Variants in ZBTB7C observed in about 807,000 individuals in gnomAD.
ZBTB7C encodes zinc finger and BTB domain-containing protein 7C.
A neutral mutation model predicts 25.7 loss-of-function variants in ZBTB7C; 8 were observed. The ratio of observed to expected loss-of-function variants is 0.31; its 90% CI spans 0.18 to 0.56. ZBTB7C has a LOEUF of 0.56. ZBTB7C is among the 20% of genes least tolerant of loss of function. ZBTB7C has a pLI of 0.91. For missense variants in ZBTB7C, 824 were observed against 855.2 expected (o/e 0.96, Z 0.46); for synonymous variants, 394 against 369.0 (o/e 1.07, Z -0.78).
At chr18:48,367,373 A>ATAT (rs757386700) in intron 1 of ZBTB7C, among the ~76,000 whole-genome samples, 17,543 of 95,262 alleles carry the variant, frequency 0.18, 1,759 homozygotes, top group Non-Finnish European at 0.25. Flanking sequence ...TATATATATA[A>ATAT]AATACAAACA....
In ZBTB7C at chr18:48,409,226, C is replaced by T. The variant is rs1274062182; in HGVS notation, c.-304G>A. ...GAGCCCGGCGCGCGAAGCCGCTCAC[C>T]TCCGCGCGCCGCCGGCCCTGCGCGC... On this transcript the variant is annotated splice_region_variant and 5_prime_UTR_variant, in exon 1 of 5. Coordinates refer to ENST00000590800, the MANE Select transcript of ZBTB7C (RefSeq NM_001318841.2). The T allele has an allele frequency of 6.7e-6, 1 of 149,646 alleles. No individual in the cohort carries two copies. Among genetic ancestry groups the T allele is most frequent in the Non-Finnish European group, 1.5e-5 (1 of 67,176 alleles). 9.3% of individuals were successfully genotyped at this position (149,646 alleles called of 1,614,324 possible).
At chr18:48,376,214 T>C (rs1424818785) in intron 1 of ZBTB7C, among the ~76,000 whole-genome samples, 1 of 152,248 alleles carries the variant, frequency 6.6e-6, no homozygotes, top group Non-Finnish European at 1.5e-5. Flanking sequence ...CTGACACTTG[T>C]TTAATATGTT....
intron 2 of ZBTB7C, among the ~76,000 whole-genome samples, chr18:48,201,615 T>G (rs1349654715): frequency 1.3e-5 from 2 of 152,156 alleles, no homozygotes; most frequent in African/African-American, 4.8e-5. Flanking sequence ...CTCCTGCCTC[T>G]TTCCCTCCAT....
intron 2 of ZBTB7C, among the ~76,000 whole-genome samples, chr18:48,291,376 C>T (rs751536405): frequency 3.9e-5 from 6 of 152,228 alleles, no homozygotes; most frequent in East Asian, 1.9e-4. Flanking sequence ...CTGGATTCAA[C>T]AAAGCAGCAA....
At chr18:48,206,515 C>T (rs948745684) in intron 2 of ZBTB7C, among the ~76,000 whole-genome samples, 3 of 152,042 alleles carry the variant, frequency 2.0e-5, no homozygotes, top group Non-Finnish European at 2.9e-5. Flanking sequence ...AAAAAATTAG[C>T]TGGGCATGGT....
chr18:48,357,432 A>G (rs1470640075), intron 1 of ZBTB7C, among the ~76,000 whole-genome samples: 1 of 152,214 alleles, frequency 6.6e-6, no homozygotes, highest in African/African-American at 2.4e-5. Flanking sequence ...TCCCTGACAC[A>G]TAGGAAAGGT....
At position 48,325,874 on chromosome 18, in the gene ZBTB7C, A is replaced by G. The variant is rs899607583; in HGVS notation, c.-79+12300T>C. On this transcript the variant is annotated intron_variant, in intron 2 of 4. Transcript: ENST00000590800. ...ATCCATCCTTTGACTAGTGTAGGCC[A>G]TGGCCATTCCTACCACTGGATTCAG... Among the ~76,000 whole-genome samples, 12 of 152,218 alleles carry G rather than the reference A, an allele frequency of 7.9e-5. 1 individual carries two copies. The highest frequency in any genetic ancestry group is 2.9e-4 in the African/African-American group (12 of 41,530).
chr18:48,191,805 C>CTA (rs1443298946), intron 2 of ZBTB7C, among the ~76,000 whole-genome samples: 1 of 152,150 alleles, frequency 6.6e-6, no homozygotes, highest in African/African-American at 2.4e-5. Flanking sequence ...CCTTCAGAGG[C>CTA]TATGTTTGCT....
intron 3 of ZBTB7C, among the ~76,000 whole-genome samples, chr18:48,059,971 GCTTATTT>G (rs1230237262): frequency 6.6e-6 from 1 of 152,112 alleles, no homozygotes; most frequent in Non-Finnish European, 1.5e-5. Flanking sequence ...AGGCAGGCAG[GCTTATTT>G]CTCAAGACTA....
chr18:48,189,682 A>G (rs966351324), intron 2 of ZBTB7C, among the ~76,000 whole-genome samples: 2 of 152,206 alleles, frequency 1.3e-5, no homozygotes, highest in African/African-American at 4.8e-5. Flanking sequence ...ACACCTCTGC[A>G]GCCAGAACAA....
intron 1 of ZBTB7C, among the ~76,000 whole-genome samples, chr18:48,388,491 G>A (rs142399092): frequency 1.3e-5 from 2 of 152,220 alleles, no homozygotes; most frequent in East Asian, 3.9e-4. Flanking sequence ...GATTGAAAAC[G>A]TATTTTCAAA....
chr18:48,289,046 A>G (rs1944582), intron 2 of ZBTB7C, among the ~76,000 whole-genome samples: 62,242 of 151,976 alleles, frequency 0.41, 13,415 homozygotes, highest in Non-Finnish European at 0.5. Flanking sequence ...TCAGTGACCA[A>G]TCAGGGAAAT....
intron 2 of ZBTB7C, among the ~76,000 whole-genome samples, chr18:48,316,415 C>T (rs2045948380): frequency 6.6e-6 from 1 of 152,196 alleles, no homozygotes; most frequent in Non-Finnish European, 1.5e-5. Context: ...AGCAGGAAGG[C>T]CGCTGCAGCA....
intron 3 of ZBTB7C, among the ~76,000 whole-genome samples, chr18:48,151,108 C>T (rs960132198): frequency 6.6e-6 from 1 of 152,124 alleles, no homozygotes; most frequent in African/African-American, 2.4e-5. Context: ...GTTAGTGGCC[C>T]CTGGTTGAGA....
At position 48,326,936 on chromosome 18, in the gene ZBTB7C, A is replaced by G. The variant is rs148856392; in HGVS notation, c.-79+11238T>C. On this transcript the variant is annotated intron_variant, in intron 2 of 4. Coordinates refer to ENST00000590800, the MANE Select transcript of ZBTB7C (RefSeq NM_001318841.2). ...ACACAAGAGGAAACGCAATAATAAC[A>G]CAAAGTCCTGCAGGTGCAAGAGCCA... Among the ~76,000 whole-genome samples, 433 of 152,338 alleles carry G rather than the reference A, an allele frequency of 2.8e-3. 2 individuals carry two copies. Among genetic ancestry groups the G allele is most frequent in the African/African-American group, 1.0e-2 (414 of 41,580 alleles).
At chr18:48,297,489 C>T (rs2045429376) in intron 2 of ZBTB7C, among the ~76,000 whole-genome samples, 1 of 152,194 alleles carries the variant, frequency 6.6e-6, no homozygotes, top group Non-Finnish European at 1.5e-5. Flanking sequence ...GTCCCTCTCT[C>T]TCCCCCATTC....
At chr18:48,085,680 C>T (rs2038166377) in intron 3 of ZBTB7C, among the ~76,000 whole-genome samples, 1 of 152,212 alleles carries the variant, frequency 6.6e-6, no homozygotes, top group African/African-American at 2.4e-5. Context: ...TAAACATTAG[C>T]TATCAATATT....
At chr18:48,217,450 G>T (rs2042851996) in intron 2 of ZBTB7C, among the ~76,000 whole-genome samples, 1 of 152,086 alleles carries the variant, frequency 6.6e-6, no homozygotes, top group Non-Finnish European at 1.5e-5. Flanking sequence ...CCAACTGGAC[G>T]TAAGCCAGCC....
chr18:48,395,277 G>A (rs971145566), intron 1 of ZBTB7C, among the ~76,000 whole-genome samples: 57 of 37,400 alleles, frequency 1.5e-3, no homozygotes, highest in African/African-American at 7.8e-3. Context: ...GTGTGTGTGT[G>A]TGTGTGTGTG....
Sources: allele counts gnomAD v4.1 joint callset (sites outside exome capture counted in the v4.1 genomes callset), GRCh38; gene constraint gnomAD v4.1.1; transcripts MANE v1.5; gene names NCBI Gene and HGNC (gene_info 2026-07-23, HGNC 2026-07-21).